The following GBGT1 variants were observed in gnomAD, a reference collection of about 807,000 sequenced individuals.
The protein encoded by GBGT1 is globoside alpha-1,3-N-acetylgalactosaminyltransferase 1.
A neutral mutation model predicts 20.9 loss-of-function variants in GBGT1; 18 were observed. That is an observed-to-expected ratio of 0.86 (90% CI 0.60 to 1.28). The LOEUF (loss-of-function observed/expected upper bound fraction) is 1.28. GBGT1 is among the 50% of genes most tolerant of loss of function. GBGT1 has a pLI of 0.00. For missense variants in GBGT1, 432 were observed against 455.7 expected (o/e 0.95, Z 0.47); for synonymous variants, 168 against 180.8 (o/e 0.93, Z 0.57).
At chr9:133,158,495 G>A (rs1365298810) in intron 3 of GBGT1, among the ~76,000 whole-genome samples, 1 of 152,076 alleles carries the variant, frequency 6.6e-6, no homozygotes, top group Non-Finnish European at 1.5e-5. Flanking sequence ...TGTTGCCCAG[G>A]CTGGTCTTGA....
At position 133,161,487 on chromosome 9, in the gene GBGT1, A is replaced by G; in HGVS notation, c.117T>C (p.Tyr39=). 1.2e-6 allele frequency: 2 copies of G among 1,610,552 alleles called. No homozygotes were observed. Among genetic ancestry groups the G allele is most frequent in the Non-Finnish European group, 1.7e-6 (2 of 1,177,824 alleles). The change falls in exon 3 of 7, where the codon TAT becomes TAC. Residue 39 remains tyrosine, a synonymous_variant. Transcript: ENST00000372040. The stretch of plus-strand genomic sequence containing the variant: ...CTTACAAGATCTCTGGGCAGGGGAG[A>G]TAATAGGGGACATAGGAGACTGGCA... The part of the protein sequence containing the change: ...NWLPVSYVPY[Y]LPCPEIFNMK...
chr9:133,158,245 A>G (rs762900821), intron 3 of GBGT1, among the ~76,000 whole-genome samples: 13 of 152,172 alleles, frequency 8.5e-5, no homozygotes, highest in Middle Eastern at 3.2e-3. Flanking sequence ...CTGATGACAC[A>G]GTAGTCTGCC....
chr9:133,154,064 G>A lies in GBGT1; in HGVS notation c.557C>T (p.Thr186Ile), dbSNP rs755810451. The change falls in exon 7 of 7, where the codon ACC becomes ATC. Residue 186 changes from threonine to isoleucine, a missense_variant. Transcript: ENST00000372040. This position sits in a 1 kb window ranked among gnomAD's most constrained non-coding sequence, Gnocchi z 4.2. ...CCTCTTAGCAATGTGCTGGCTGATG[G>A]TCTCCATCCGGCGCATGGATGTCTC... ...WEETSMRRME[T>I]ISQHIAKRAH... 2 of 1,613,536 alleles carry A rather than the reference G, an allele frequency of 1.2e-6. No homozygotes were observed. Among genetic ancestry groups the A allele is most frequent in the Non-Finnish European group, 1.7e-6 (2 of 1,179,964 alleles).
chr9:133,160,960 A>C (rs1833022399), intron 3 of GBGT1: 1 of 322,814 alleles, frequency 3.1e-6, no homozygotes, highest in Non-Finnish European at 5.6e-6. Context: ...CTGTGAGCCA[A>C]GATCACGCCA....
chr9:133,161,307 T>G, intron 3 of GBGT1, 160 bp downstream of exon 3: 1 of 550,992 alleles, frequency 1.8e-6, no homozygotes. Context: ...ACTTCACGCT[T>G]GTCACAGCCC....
In GBGT1 at chr9:133,155,177, C is replaced by G. The variant is rs766465305; in HGVS notation, c.359+1G>C. The G allele has an allele frequency of 1.2e-6, 2 of 1,613,652 alleles. No individual in the cohort carries two copies. The highest frequency in any genetic ancestry group is 1.7e-6 in the Non-Finnish European group (2 of 1,179,732). ...CTCCCCTTCCCCAGCCCACTACTCACTTCCCCACGGCAAACACCGTGACCC... is the reference window on the plus strand; with the variant it reads ...CTCCCCTTCCCCAGCCCACTACTCAGTTCCCCACGGCAAACACCGTGACCC... On this transcript the variant is annotated splice_donor_variant, in intron 6 of 6. Transcript: ENST00000372040. LOFTEE classifies it high-confidence loss of function.
At chr9:133,157,200 C>T (rs9411460) in intron 3 of GBGT1, among the ~76,000 whole-genome samples, 46,875 of 151,190 alleles carry the variant, frequency 0.31, 7,468 homozygotes, top group East Asian at 0.52. Context: ...AGGAGGATGG[C>T]TTGAGCCCAG....
Position 133,153,971 on chromosome 9 carries a change from G to A in GBGT1, c.650C>T (p.Pro217Leu). The A allele has an allele frequency of 6.2e-7, 1 of 1,613,602 alleles. No individual in the cohort carries two copies. Among genetic ancestry groups the A allele is most frequent in the Non-Finnish European group, 8.5e-7 (1 of 1,179,722 alleles). ...AGCCACCAGGTCTCCCAAGGTCTCA[G>A]GGCCCCACGGGTTCCGAAACACCAT... Reference protein sequence around the residue: ...VDMVFRNPWGPETLGDLVAAI... With the variant: ...VDMVFRNPWGLETLGDLVAAI... The change falls in exon 7 of 7, where the codon CCT becomes CTT. Residue 217 changes from proline (P) to leucine (L), a missense_variant. Transcript: ENST00000372040.
chr9:133,153,825 C>G lies in GBGT1; in HGVS notation c.796G>C (p.Gly266Arg), dbSNP rs775462632. Residue 266 changes from glycine (G) to arginine (R), a missense_variant, in exon 7 of 7, where the codon GGG becomes CGG. Coordinates refer to ENST00000372040, the MANE Select transcript of GBGT1 (RefSeq NM_021996.6). ...GDFYYGGAVFGGQVARVYEFT... is the reference protein window; with the variant it reads ...GDFYYGGAVFRGQVARVYEFT... ...TCATATACCCTGGCCACCTGCCCCC[C>G]GAAGACTGCCCCACCATAATAGAAG... The G allele has an allele frequency of 6.3e-7, 1 of 1,588,074 alleles. No homozygotes were observed. The highest frequency in any genetic ancestry group is 8.6e-7 in the Non-Finnish European group (1 of 1,163,982).
intron 3 of GBGT1, 199 bp downstream of exon 3, chr9:133,161,268 G>A (rs376150182): frequency 2.0e-5 from 11 of 537,700 alleles, no homozygotes; most frequent in African/African-American, 1.9e-4. Flanking sequence ...GGGGCTGCAA[G>A]GATGCTGGAA....
chr9:133,162,278 G>T, intron 2 of GBGT1, 64 bp downstream of exon 2: 2 of 683,986 alleles, frequency 2.9e-6, no homozygotes, highest in South Asian at 3.1e-5. Flanking sequence ...CCTGGGTGGG[G>T]ATAGAGACAG....
In GBGT1 at chr9:133,153,464, GT is replaced by G; in HGVS notation, c.*112del. 1.3e-6 allele frequency: 1 copy of G among 745,238 alleles called. No individual in the cohort carries two copies. Among genetic ancestry groups the G allele is most frequent in the Non-Finnish European group, 2.2e-6 (1 of 456,638 alleles). 46.2% of individuals were successfully genotyped at this position (745,238 alleles called of 1,614,324 possible). On this transcript the variant is annotated 3_prime_UTR_variant, in exon 7 of 7. Transcript: ENST00000372040. The stretch of plus-strand genomic sequence containing the variant: ...GTGGCCTTTCCACGTCCCTTTTCCG[GT>G]TGAATTCGCCTGACTGACAGGGAGG...
intron 5 of GBGT1, 151 bp downstream of exon 5, chr9:133,155,750 C>A (rs565508993): frequency 2.5e-6 from 2 of 813,820 alleles, no homozygotes; most frequent in Non-Finnish European, 2.0e-6. Flanking sequence ...CAGCCCAGGT[C>A]CCTGACTCCC....
At chr9:133,162,871 C>T (rs1483930018) in intron 1 of GBGT1, among the ~76,000 whole-genome samples, 1 of 152,222 alleles carries the variant, frequency 6.6e-6, no homozygotes, top group Non-Finnish European at 1.5e-5. Flanking sequence ...GACCCCAGCC[C>T]TGCAGCCCTG....
At position 133,153,496 on chromosome 9, in the gene GBGT1, C is replaced by T; in HGVS notation, c.*81G>A. On this transcript the variant is annotated 3_prime_UTR_variant, in exon 7 of 7. Coordinates refer to ENST00000372040, the MANE Select transcript of GBGT1 (RefSeq NM_021996.6). ...TCGCCTGACTGACAGGGAGGCGGGA[C>T]AGGGCTGGTCTGCACGCTAGTGAAG... 1 of 1,025,054 alleles carries T rather than the reference C, an allele frequency of 9.8e-7. No individual in the cohort carries two copies. The highest frequency in any genetic ancestry group is 1.4e-6 in the Non-Finnish European group (1 of 699,550). The allele number at this position is 1,025,054 out of a possible 1,614,324, so 63.5% of individuals were successfully genotyped here. A position where few individuals can be genotyped will look rare whatever the true frequency, so the allele number is the denominator to read the frequency against.
chr9:133,162,648 C>T, intron 1 of GBGT1, 116 bp from the exon 2 acceptor site: 1 of 543,950 alleles, frequency 1.8e-6, no homozygotes, highest in Non-Finnish European at 3.3e-6. Context: ...TCAAGCGATT[C>T]TCTTGTCTCA....
chr9:133,153,613 A>C lies in GBGT1; in HGVS notation c.1008T>G (p.Ser336=), dbSNP rs775172034. 10 of 1,585,478 alleles carry C rather than the reference A, an allele frequency of 6.3e-6. No individual in the cohort carries two copies. Among genetic ancestry groups the C allele is most frequent in the Middle Eastern group, 1.7e-4 (1 of 5,908 alleles). The change falls in exon 7 of 7, where the codon TCT becomes TCG. Residue 336 remains serine, a synonymous_variant. Coordinates refer to ENST00000372040, the MANE Select transcript of GBGT1 (RefSeq NM_021996.6). The part of the protein sequence containing the change: ...QPPSLKLIRF[S]TLDKDISCLR... Reference sequence around the variant, plus strand: ...GGCAGCTGATATCCTTGTCCAGTGTAGAAAAGCGGATCAGCTTCAGGCTGG... The same window carrying C: ...GGCAGCTGATATCCTTGTCCAGTGTCGAAAAGCGGATCAGCTTCAGGCTGG...
intron 3 of GBGT1, among the ~76,000 whole-genome samples, chr9:133,158,922 T>G (rs1479934718): frequency 6.6e-6 from 1 of 152,158 alleles, no homozygotes; most frequent in Non-Finnish European, 1.5e-5. Context: ...ATAAGTGGAA[T>G]AATAAAGTTT....
chr9:133,160,718 G>A (rs1169841769), intron 3 of GBGT1, among the ~76,000 whole-genome samples: 1 of 152,100 alleles, frequency 6.6e-6, no homozygotes, highest in Non-Finnish European at 1.5e-5. Context: ...GGAATAAGAT[G>A]ATGGTGACCG....
Sources: gnomAD v4.1 joint callset for allele counts (sites outside exome capture counted in the v4.1 genomes callset) on GRCh38, gnomAD v4.1.1 for gene constraint, Gnocchi (gnomAD v3.1) non-coding constraint, MANE v1.5 for transcripts, NCBI Gene and HGNC (gene_info 2026-07-23, HGNC 2026-07-21) for gene names.